Variants in MBOAT2 observed in about 807,000 individuals in gnomAD.
The protein encoded by MBOAT2 is membrane-bound glycerophospholipid O-acyltransferase 2.
A neutral mutation model predicts 63.4 loss-of-function variants in MBOAT2; 28 were observed. That is an observed-to-expected ratio of 0.44 (90% confidence interval 0.33 to 0.61). The LOEUF (loss-of-function observed/expected upper bound fraction) is 0.61. Ranked by LOEUF, MBOAT2 falls within the 20% of genes least tolerant of loss-of-function variation. The pLI, the probability that MBOAT2 is intolerant of heterozygous loss-of-function variation, is 0.03. For synonymous variants in MBOAT2, 211 were observed against 215.6 expected (o/e 0.98, Z 0.19); for missense variants, 470 against 605.8 (o/e 0.78, Z 2.35).
At chr2:8,946,574 C>T (rs1668427082) in intron 2 of MBOAT2, among the ~76,000 whole-genome samples, 1 of 152,150 alleles carries the variant, frequency 6.6e-6, no homozygotes, top group Admixed American at 6.5e-5. Flanking sequence ...AGCCTCTTGG[C>T]ACCATTTTTC....
intron 1 of MBOAT2, among the ~76,000 whole-genome samples, chr2:8,982,563 T>C (rs530561679): frequency 1.3e-5 from 2 of 152,324 alleles, no homozygotes; most frequent in South Asian, 4.1e-4. Context: ...CTAAGCTTTC[T>C]TTGCTTCTAT....
At chr2:8,965,902 A>G (rs988505007) in intron 1 of MBOAT2, among the ~76,000 whole-genome samples, 8 of 152,230 alleles carry the variant, frequency 5.3e-5, no homozygotes, top group Non-Finnish European at 1.0e-4. Context: ...AAAAAACCTT[A>G]AATTTCAATA....
At position 8,877,108 on chromosome 2, in the gene MBOAT2, G is replaced by A. The variant is rs143327474; in HGVS notation, c.612C>T (p.Gly204=). The part of the protein sequence containing the change: ...SYKDYITFIE[G]RSYHITQSGE... The stretch of plus-strand genomic sequence containing the variant: ...CAGATTGTGTGATATGGTATGATCT[G>A]CCTTCAATGAAAGTAATGTAGTCTT... The change falls in exon 7 of 13, where the codon GGC becomes GGT. Residue 204 remains glycine (G), a synonymous_variant. Transcript: ENST00000305997. 1.8e-3 allele frequency: 2,897 copies of A among 1,614,032 alleles called. 7 individuals carry two copies. The highest frequency in any genetic ancestry group is 2.4e-3 in the Admixed American group (146 of 59,998).
chr2:8,891,923 A>ATT (rs1210790294), intron 4 of MBOAT2, among the ~76,000 whole-genome samples: 1 of 152,248 alleles, frequency 6.6e-6, no homozygotes, highest in Non-Finnish European at 1.5e-5. Context: ...AACTGTCCAA[A>ATT]GTAATACTTC....
intron 3 of MBOAT2, among the ~76,000 whole-genome samples, chr2:8,916,807 T>C (rs927508413): frequency 6.6e-6 from 1 of 152,214 alleles, no homozygotes; most frequent in African/African-American, 2.4e-5. Flanking sequence ...TCCCCTCTGT[T>C]TATATTTTCC....
intron 3 of MBOAT2, among the ~76,000 whole-genome samples, chr2:8,919,627 T>A (rs1666430680): frequency 6.6e-6 from 1 of 152,216 alleles, no homozygotes; most frequent in African/African-American, 2.4e-5. Flanking sequence ...AAGTCCTGTA[T>A]CAGACACATG....
At chr2:8,879,929 G>C (rs906587330) in intron 6 of MBOAT2, among the ~76,000 whole-genome samples, 2 of 152,144 alleles carry the variant, frequency 1.3e-5, no homozygotes, top group Non-Finnish European at 2.9e-5. Context: ...GGCAGGAAGG[G>C]AGGGGTATTT....
chr2:8,981,732 T>C (rs1429907581), intron 1 of MBOAT2, among the ~76,000 whole-genome samples: 1 of 152,112 alleles, frequency 6.6e-6, no homozygotes, highest in Admixed American at 6.6e-5. Flanking sequence ...GAACACAGTG[T>C]TTATTGTTGG....
At chr2:8,987,850 G>A (rs1671673667) in intron 1 of MBOAT2, among the ~76,000 whole-genome samples, 1 of 152,130 alleles carries the variant, frequency 6.6e-6, no homozygotes, top group Non-Finnish European at 1.5e-5. Flanking sequence ...AACAAAAGTT[G>A]TCTCTGGACT....
intron 6 of MBOAT2, among the ~76,000 whole-genome samples, chr2:8,879,186 T>A (rs1558565574): frequency 2.6e-5 from 4 of 152,180 alleles, no homozygotes; most frequent in Admixed American, 2.6e-4. Flanking sequence ...TTCTTTCTAT[T>A]TAATGATGAA....
chr2:8,903,381 C>T lies in MBOAT2; in HGVS notation c.395+5240G>A, dbSNP rs549012673. Among the ~76,000 whole-genome samples the T allele has an allele frequency of 2.8e-4, 42 of 152,258 alleles. No homozygotes were observed. In the Middle Eastern group the frequency reaches 0.02, roughly 74 times the overall value. On this transcript the variant is annotated intron_variant, in intron 4 of 12. Coordinates refer to ENST00000305997, the MANE Select transcript of MBOAT2 (RefSeq NM_138799.4). ...ATAAACCTTAGTGAAGGAGCACACA[C>T]GACTGAGCAGTAGTAAACATTTACC... is the stretch of plus-strand genomic sequence containing the variant.
intron 3 of MBOAT2, among the ~76,000 whole-genome samples, chr2:8,909,029 C>T (rs568170803): frequency 1.3e-5 from 2 of 152,244 alleles, no homozygotes; most frequent in East Asian, 3.9e-4. Flanking sequence ...ATTTATTCCT[C>T]CTTTCTAGGA....
chr2:8,862,811 A>C lies in MBOAT2; in HGVS notation c.1053-89T>G. ...AATGATCATTCTTTTATTACCTGAC[A>C]GGATTTAGGGTAACTAGAAAAACAA... is the stretch of plus-strand genomic sequence containing the variant. On this transcript the variant is annotated intron_variant, in intron 10 of 12. Coordinates refer to ENST00000305997, the MANE Select transcript of MBOAT2 (RefSeq NM_138799.4). The surrounding 1 kb of genome is among the most constrained non-coding windows in gnomAD (Gnocchi z 4.3). The C allele has an allele frequency of 2.7e-6, 4 of 1,464,830 alleles. No homozygotes were observed. The highest frequency in any genetic ancestry group is 3.7e-6 in the Non-Finnish European group (4 of 1,093,156). 90.7% of individuals were successfully genotyped at this position (1,464,830 alleles called of 1,614,324 possible).
intron 5 of MBOAT2, among the ~76,000 whole-genome samples, chr2:8,883,298 T>A (rs772413923): frequency 2.0e-5 from 3 of 152,092 alleles, no homozygotes; most frequent in African/African-American, 7.2e-5. Context: ...AGACAAATCG[T>A]AGAATACATG....
chr2:8,887,989 G>C (rs576818330), intron 5 of MBOAT2, 29 bp downstream of exon 5: 1 of 1,593,680 alleles, frequency 6.3e-7, no homozygotes, highest in Non-Finnish European at 8.6e-7. Flanking sequence ...AATTTTTTCA[G>C]CAATAAAAAT....
At chr2:8,907,893 T>C (rs1665446841) in intron 4 of MBOAT2, among the ~76,000 whole-genome samples, 1 of 152,208 alleles carries the variant, frequency 6.6e-6, no homozygotes, top group African/African-American at 2.4e-5. Context: ...AACAATTTTT[T>C]TTTCAGAGGT....
chr2:8,871,286 C>T (rs970047988), intron 8 of MBOAT2, among the ~76,000 whole-genome samples: 1 of 152,132 alleles, frequency 6.6e-6, no homozygotes, highest in Non-Finnish European at 1.5e-5. Flanking sequence ...GTATGAGCCA[C>T]GTGCCCGGCC....
At chr2:8,891,159 T>C (rs1323068008) in intron 4 of MBOAT2, among the ~76,000 whole-genome samples, 1 of 152,242 alleles carries the variant, frequency 6.6e-6, no homozygotes, top group South Asian at 2.1e-4. Context: ...TTGTTTTAAG[T>C]GGATGGCAGT....
At chr2:8,982,966 A>G (rs1052389831) in intron 1 of MBOAT2, among the ~76,000 whole-genome samples, 1 of 152,188 alleles carries the variant, frequency 6.6e-6, no homozygotes, top group Non-Finnish European at 1.5e-5. Context: ...TTTGAATAAT[A>G]AGTCATGGAA....
Sources: gnomAD v4.1 joint callset for allele counts (sites outside exome capture counted in the v4.1 genomes callset) on GRCh38, gnomAD v4.1.1 for gene constraint, Gnocchi (gnomAD v3.1) non-coding constraint, MANE v1.5 for transcripts, NCBI Gene and HGNC (gene_info 2026-07-23, HGNC 2026-07-21) for gene names.